LPP: variants seen among roughly 807,000 people sequenced by gnomAD.
LPP encodes lipoma-preferred partner.
In LPP, 38 loss-of-function variants were observed where a neutral mutation model predicts 60.4. The ratio of observed to expected loss-of-function variants is 0.63; its 90% confidence interval spans 0.49 to 0.83. LPP has a LOEUF of 0.83. Among genes scored for constraint, LPP ranks in the 40% least tolerant of loss-of-function variants. LPP has a pLI of 0.00. For missense variants in LPP, 902 were observed against 783.6 expected (o/e 1.15, Z -1.80); for synonymous variants, 328 against 290.8 (o/e 1.13, Z -1.30).
At chr3:188,682,758 T>G (rs533287273) in intron 7 of LPP, among the ~76,000 whole-genome samples, 1 of 152,276 alleles carries the variant, frequency 6.6e-6, no homozygotes, top group East Asian at 1.9e-4. Flanking sequence ...TAAATATATT[T>G]TTTACTGAAA....
intron 2 of LPP, among the ~76,000 whole-genome samples, chr3:188,331,077 T>G (rs556057865): frequency 1.3e-5 from 2 of 152,312 alleles, no homozygotes; most frequent in South Asian, 4.1e-4. Flanking sequence ...TGATAGCTGA[T>G]TGACCCCTTC....
chr3:188,472,207 G>A (rs1802021719), intron 4 of LPP, among the ~76,000 whole-genome samples: 1 of 152,134 alleles, frequency 6.6e-6, no homozygotes. Context: ...CCCTGCTGCT[G>A]TTTGTTCTGA....
chr3:188,410,533 G>A (rs1784659875), intron 4 of LPP, among the ~76,000 whole-genome samples: 1 of 152,088 alleles, frequency 6.6e-6, no homozygotes, highest in Admixed American at 6.6e-5. Context: ...GAAAAGTGGG[G>A]CATGCTTTTT....
At chr3:188,206,298 G>C (rs938564834) in intron 1 of LPP, among the ~76,000 whole-genome samples, 3 of 152,168 alleles carry the variant, frequency 2.0e-5, no homozygotes, top group African/African-American at 7.2e-5. Context: ...AGGACCTTCA[G>C]GATGTCCCGA....
chr3:188,384,251 C>T (rs1292214618), intron 3 of LPP, among the ~76,000 whole-genome samples: 3 of 152,090 alleles, frequency 2.0e-5, no homozygotes, highest in African/African-American at 7.2e-5. Context: ...TATTTATTAA[C>T]TCTCTGCCTG....
At chr3:188,220,535 G>A (rs1715389719) in intron 1 of LPP, among the ~76,000 whole-genome samples, 1 of 152,226 alleles carries the variant, frequency 6.6e-6, no homozygotes, top group South Asian at 2.1e-4. Context: ...ATGTCACGAG[G>A]TTTCAGGCCT....
At chr3:188,377,159 T>C (rs1775376928) in intron 3 of LPP, among the ~76,000 whole-genome samples, 1 of 152,220 alleles carries the variant, frequency 6.6e-6, no homozygotes, top group Non-Finnish European at 1.5e-5. Flanking sequence ...CATTTCAACT[T>C]TGGTGAATCT....
At chr3:188,554,395 A>G (rs1254036551) in intron 6 of LPP, among the ~76,000 whole-genome samples, 1 of 152,218 alleles carries the variant, frequency 6.6e-6, no homozygotes, top group Non-Finnish European at 1.5e-5. Context: ...AACAAACCCC[A>G]AAAGAATATT....
At chr3:188,563,866 GAC>G (rs916806205) in intron 6 of LPP, among the ~76,000 whole-genome samples, 4 of 151,700 alleles carry the variant, frequency 2.6e-5, no homozygotes, top group Non-Finnish European at 4.4e-5. Context: ...GACCAAGCCA[GAC>G]ACTTCTCTAA....
intron 8 of LPP, among the ~76,000 whole-genome samples, chr3:188,721,763 G>A (rs1237688628): frequency 6.6e-6 from 1 of 152,056 alleles, no homozygotes; most frequent in Non-Finnish European, 1.5e-5. Flanking sequence ...TTCTTGTGAA[G>A]GATCGTGTTG....
chr3:188,783,579 A>G (rs1740538547), intron 9 of LPP, among the ~76,000 whole-genome samples: 1 of 152,040 alleles, frequency 6.6e-6, no homozygotes, highest in African/African-American at 2.4e-5. Context: ...GAGGAGGGAG[A>G]GGAATGAAGA....
At chr3:188,449,466 T>C (rs1796092065) in intron 4 of LPP, among the ~76,000 whole-genome samples, 1 of 152,204 alleles carries the variant, frequency 6.6e-6, no homozygotes, top group Non-Finnish European at 1.5e-5. Context: ...ACTTCCCATA[T>C]GCTAGGCTCT....
At chr3:188,394,299 T>C (rs554095258) in intron 3 of LPP, among the ~76,000 whole-genome samples, 1 of 152,214 alleles carries the variant, frequency 6.6e-6, no homozygotes, top group African/African-American at 2.4e-5. Context: ...GTGGTACTTA[T>C]GGGAATACAG....
At position 188,552,968 on chromosome 3, in the gene LPP, C is replaced by G. The variant is rs1015179088; in HGVS notation, c.429+28181C>G. ...AGTAGATAAGTTCACAACGTTAATG[C>G]ATGGAGGCTGAGATTGTGAGAAGAA... On this transcript the variant is annotated intron_variant, in intron 6 of 11. Transcript: ENST00000617246. Among the ~76,000 whole-genome samples, 4 of 152,244 alleles carry G rather than the reference C, an allele frequency of 2.6e-5. No individual in the cohort carries two copies. In the East Asian group the frequency reaches 7.7e-4, roughly 29 times the overall value.
At chr3:188,693,644 G>A (rs1862582104) in intron 7 of LPP, among the ~76,000 whole-genome samples, 2 of 152,074 alleles carry the variant, frequency 1.3e-5, no homozygotes, top group African/African-American at 2.4e-5. Flanking sequence ...TGGCACCAGC[G>A]CAGCCCGACA....
chr3:188,248,958 A>G (rs1197920615), intron 2 of LPP, among the ~76,000 whole-genome samples: 2 of 152,332 alleles, frequency 1.3e-5, no homozygotes, highest in South Asian at 2.1e-4. Flanking sequence ...CTGGAATTTC[A>G]GAGGCTTGAA....
At chr3:188,433,660 G>A (rs977173632) in intron 4 of LPP, among the ~76,000 whole-genome samples, 1 of 148,888 alleles carries the variant, frequency 6.7e-6, no homozygotes, top group African/African-American at 2.5e-5. Flanking sequence ...GGGAGAGAGA[G>A]GAAAGGGAGA....
Position 188,517,984 on chromosome 3 carries a change from G to A in LPP, c.307-6681G>A, listed in dbSNP as rs115580795. 9.5e-3 allele frequency among the ~76,000 whole-genome samples: 1,438 copies of A among 152,006 alleles called. 33 individuals are homozygous for A. Among genetic ancestry groups the A allele is most frequent in the African/African-American group, 0.033 (1,358 of 41,440 alleles). ...AGCACCTCTCCTCGCTCTCTCTTCC[G>A]CTCTCTCTCACCATATGACATGCTG... On this transcript the variant is annotated intron_variant, in intron 5 of 11. Transcript: ENST00000617246.
At position 188,456,877 on chromosome 3, in the gene LPP, TTCCTGAG is replaced by T. The variant is rs1246360595; in HGVS notation, c.194-27712_194-27706del. Among the ~76,000 whole-genome samples the T allele has an allele frequency of 2.0e-5, 3 of 152,286 alleles. No homozygotes were observed. The East Asian group carries it at 5.8e-4, about 29-fold the overall frequency. ...TATTGAGGCTGTGACAGTCACTTAG[TTCCTGAG>T]TCTTTTCAGGAAAGGGTAAGAGGTA... On this transcript the variant is annotated intron_variant, in intron 4 of 11. Transcript: ENST00000617246.
Sources: allele counts gnomAD v4.1 joint callset (sites outside exome capture counted in the v4.1 genomes callset), GRCh38; gene constraint gnomAD v4.1.1; transcripts MANE v1.5; gene names NCBI Gene and HGNC (gene_info 2026-07-23, HGNC 2026-07-21).